The following WFDC1 variants were observed in gnomAD, a reference collection of about 807,000 sequenced individuals.
WFDC1 encodes the protein WAP four-disulfide core domain 1.
In WFDC1, 39 loss-of-function variants were observed where a neutral mutation model predicts 32.9. The ratio of observed to expected loss-of-function variants is 1.19; its 90% CI spans 0.92 to 1.55. The LOEUF (loss-of-function observed/expected upper bound fraction) is 1.55. WFDC1 is among the 40% of genes most tolerant of loss of function. The probability of loss-of-function intolerance (pLI) is 0.00; values close to 1 mark genes in which losing one functional copy is unlikely to be tolerated. For synonymous variants in WFDC1, 184 were observed against 137.4 expected, an observed-to-expected ratio of 1.34 and a Z score of -2.37; for missense variants, 386 against 309.5, an observed-to-expected ratio of 1.25 and a Z score of -1.85.
intron 3 of WFDC1, 153 bp from the exon 4 acceptor site, chr16:84,319,278 C>T: frequency 9.9e-7 from 1 of 1,005,464 alleles, no homozygotes; most frequent in Non-Finnish European, 1.4e-6. Flanking sequence ...AGACCCAGGG[C>T]CTAGCCTGGA....
rs570000775 is a variant in WFDC1, at chr16:84,323,722, C to T, written c.563-697C>T. On this transcript the variant is annotated intron_variant, in intron 4 of 6. Transcript: ENST00000219454. ...TTGCAGTAATGACATCAGAGTGTCT[C>T]TTGGGCAGACTCAAAAGAGTGTCAT... 2.0e-5 allele frequency among the ~76,000 whole-genome samples: 3 copies of T among 152,332 alleles called. No individual in the cohort carries two copies. In the South Asian group the frequency reaches 6.2e-4, roughly 32 times the overall value.
At chr16:84,308,241 A>C (rs1567654859) in intron 1 of WFDC1, among the ~76,000 whole-genome samples, 1 of 151,998 alleles carries the variant, frequency 6.6e-6, no homozygotes, top group Non-Finnish European at 1.5e-5. Flanking sequence ...GGGCAGCTGA[A>C]AACCTCTGGC....
intron 4 of WFDC1, among the ~76,000 whole-genome samples, chr16:84,321,599 C>G (rs1285013348): frequency 1.3e-5 from 2 of 152,208 alleles, no homozygotes; most frequent in East Asian, 3.9e-4. Flanking sequence ...CCAAGTCAAA[C>G]TAGTTCTTAA....
chr16:84,297,782 C>G (rs969769398), intron 1 of WFDC1, among the ~76,000 whole-genome samples: 1 of 152,192 alleles, frequency 6.6e-6, no homozygotes, highest in African/African-American at 2.4e-5. Context: ...TCTTGGACCA[C>G]TCGCTGCCCT....
At chr16:84,316,208 A>G (rs898987806) in intron 2 of WFDC1, 1 of 152,198 alleles carries the variant, frequency 6.6e-6, no homozygotes, top group African/African-American at 2.4e-5. Context: ...GAGGTCACAG[A>G]CTGCTGGCTC....
chr16:84,307,454 G>A (rs1907329758), intron 1 of WFDC1, among the ~76,000 whole-genome samples: 4 of 152,170 alleles, frequency 2.6e-5, no homozygotes, highest in Admixed American at 2.6e-4. Context: ...GGGAGATGTG[G>A]CTTCTAAGGC....
At chr16:84,302,894 A>C (rs906368403) in intron 1 of WFDC1, among the ~76,000 whole-genome samples, 3 of 152,166 alleles carry the variant, frequency 2.0e-5, no homozygotes, top group Non-Finnish European at 4.4e-5. Flanking sequence ...TGAATCAATT[A>C]TGTTAAAACC....
chr16:84,316,128 G>A (rs917481404), intron 2 of WFDC1: 1 of 152,228 alleles, frequency 6.6e-6, no homozygotes, highest in Non-Finnish European at 1.5e-5. Flanking sequence ...CTGATGTGGT[G>A]GTGGAAAGGA....
intron 1 of WFDC1, among the ~76,000 whole-genome samples, chr16:84,303,550 A>T (rs1268227485): frequency 1.3e-5 from 2 of 152,106 alleles, no homozygotes; most frequent in African/African-American, 4.8e-5. Flanking sequence ...TTCCTCCAAG[A>T]TGTAAACTCT....
intron 6 of WFDC1, 142 bp from the exon 7 acceptor site, chr16:84,329,180 G>C (rs1228987010): frequency 2.7e-5 from 4 of 150,750 alleles, no homozygotes; most frequent in African/African-American, 7.5e-5. Context: ...TCTTCCTGGT[G>C]TTTCTGATGG....
chr16:84,297,550 G>A (rs1906670768), intron 1 of WFDC1, among the ~76,000 whole-genome samples: 2 of 149,754 alleles, frequency 1.3e-5, no homozygotes, highest in Non-Finnish European at 3.0e-5. Flanking sequence ...CCGGGAGGTG[G>A]AGGTTATAGT....
chr16:84,315,998 C>A (rs1411557624), intron 2 of WFDC1: 2 of 152,220 alleles, frequency 1.3e-5, no homozygotes, highest in South Asian at 2.1e-4. Flanking sequence ...GACCAAGTTT[C>A]ACTACTCCAA....
At chr16:84,312,859 C>T in intron 1 of WFDC1, 102 bp from the exon 2 acceptor site, 1 of 692,548 alleles carries the variant, frequency 1.4e-6, no homozygotes, top group Non-Finnish European at 1.9e-6. Flanking sequence ...GAAACGCAGG[C>T]TCAGAGAGGC....
chr16:84,327,746 T>C (rs1489659421), intron 6 of WFDC1: 1 of 152,246 alleles, frequency 6.6e-6, no homozygotes, highest in Non-Finnish European at 1.5e-5. Flanking sequence ...TTTGCCTTGA[T>C]GTCTCCAGGA....
At chr16:84,319,365 G>C in intron 3 of WFDC1, 66 bp from the exon 4 acceptor site, 2 of 1,578,034 alleles carry the variant, frequency 1.3e-6, no homozygotes, top group Non-Finnish European at 1.7e-6. Context: ...CTGCCTTCTA[G>C]ACCCTAGCAT....
chr16:84,324,909 A>G (rs982432842), intron 5 of WFDC1, among the ~76,000 whole-genome samples: 7 of 151,278 alleles, frequency 4.6e-5, no homozygotes, highest in African/African-American at 1.7e-4. Flanking sequence ...TCATTCATCC[A>G]TTCATATATC....
At chr16:84,320,016 G>A (rs189835899) in intron 4 of WFDC1, among the ~76,000 whole-genome samples, 4 of 152,178 alleles carry the variant, frequency 2.6e-5, no homozygotes, top group East Asian at 1.9e-4. Flanking sequence ...GATGGACCCC[G>A]ACTTACGATG....
chr16:84,309,268 A>G (rs1907465697), intron 1 of WFDC1, among the ~76,000 whole-genome samples: 1 of 152,054 alleles, frequency 6.6e-6, no homozygotes, highest in South Asian at 2.1e-4. Context: ...AAGTTATTAA[A>G]TCGAAAAAGT....
At chr16:84,323,175 C>G (rs75110566) in intron 4 of WFDC1, among the ~76,000 whole-genome samples, 4,491 of 152,316 alleles carry the variant, frequency 0.029, 103 homozygotes, top group South Asian at 0.072. Context: ...CGCTGACCCA[C>G]CGGAGGGCCT....
Sources: allele counts gnomAD v4.1 joint callset (sites outside exome capture counted in the v4.1 genomes callset), GRCh38; gene constraint gnomAD v4.1.1; transcripts MANE v1.5; gene names NCBI Gene and HGNC (gene_info 2026-07-23, HGNC 2026-07-21).